Variants in EPHB2 observed in about 807,000 individuals in gnomAD.
EPHB2 encodes the protein ephrin type-B receptor 2.
EPHB2 carries 18 observed loss-of-function variants against 96.4 expected under a neutral mutation model. The ratio of observed to expected loss-of-function variants is 0.19; its 90% CI spans 0.13 to 0.28. The LOEUF (loss-of-function observed/expected upper bound fraction) is 0.28, where lower values mean the gene tolerates loss of function less well. Among genes scored for constraint, EPHB2 ranks in the 10% least tolerant of loss-of-function variants. The probability of loss-of-function intolerance (pLI) is 1.00; values close to 1 mark genes in which losing one functional copy is unlikely to be tolerated. For synonymous variants in EPHB2, 506 were observed against 534.1 expected, an observed-to-expected ratio of 0.95 and a Z score of 0.72; for missense variants, 989 against 1,355.4, an observed-to-expected ratio of 0.73 and a Z score of 4.25.
At chr1:22,806,477 G>A (rs1195061858) in intron 3 of EPHB2, among the ~76,000 whole-genome samples, 1 of 75,916 alleles carries the variant, frequency 1.3e-5, no homozygotes, top group Non-Finnish European at 3.1e-5. Context: ...ATGGATGGAT[G>A]GACGGACGGA....
At chr1:22,776,256 C>T (rs1644450976) in intron 1 of EPHB2, among the ~76,000 whole-genome samples, 1 of 152,206 alleles carries the variant, frequency 6.6e-6, no homozygotes, top group African/African-American at 2.4e-5. Context: ...GTGCCCCTCC[C>T]ACTCCACATC....
At chr1:22,803,762 A>T (rs1644884087) in intron 3 of EPHB2, among the ~76,000 whole-genome samples, 1 of 147,938 alleles carries the variant, frequency 6.8e-6, no homozygotes, top group Non-Finnish European at 1.5e-5. Context: ...TATATATATA[A>T]ATTAGCTGGG....
intron 3 of EPHB2, among the ~76,000 whole-genome samples, chr1:22,807,979 C>T (rs1644950553): frequency 6.6e-6 from 1 of 151,918 alleles, no homozygotes; most frequent in South Asian, 2.1e-4. Flanking sequence ...ACTAAAAATG[C>T]AAAAATTAGC....
intron 1 of EPHB2, among the ~76,000 whole-genome samples, chr1:22,769,467 T>G (rs1278689253): frequency 1.3e-5 from 2 of 152,194 alleles, no homozygotes; most frequent in Non-Finnish European, 2.9e-5. Flanking sequence ...AATGCAGTGG[T>G]GAGATCTCAG....
Position 22,864,119 on chromosome 1 carries a change from C to T in EPHB2, c.968-758C>T, listed in dbSNP as rs192546436. 4.0e-5 allele frequency among the ~76,000 whole-genome samples: 6 copies of T among 149,640 alleles called. No individual in the cohort carries two copies. In the East Asian group the frequency reaches 1.0e-3, roughly 26 times the overall value. ...ATGCAATGGCATCATGATCTCAGCT[C>T]ATGGCAACTTCCACCTCCCGGGTTC... On this transcript the variant is annotated intron_variant, in intron 4 of 15. Coordinates refer to ENST00000374630, the MANE Select transcript of EPHB2 (RefSeq NM_017449.5).
rs948491186 is a variant in EPHB2 at position 22,906,017 on chromosome 1, C to T, written c.1796C>T (p.Pro599Leu). 2 of 1,614,118 alleles carry T rather than the reference C, an allele frequency of 1.2e-6. No homozygotes were observed. The highest frequency in any genetic ancestry group is 2.7e-5 in the African/African-American group (2 of 74,944). The change falls in exon 10 of 16, where the codon CCT becomes CTT. Residue 599 changes from proline to leucine, a missense_variant. Physicochemically the swap from Pro to Leu is moderately conservative, Grantham distance 98. Coordinates refer to ENST00000374630, the MANE Select transcript of EPHB2 (RefSeq NM_017449.5). This position sits in a 1 kb window ranked among gnomAD's most constrained non-coding sequence, Gnocchi z 4.8. ...CCAGGCATGAAGATCTACATCGATC[C>T]TTTCACCTACGAGGACCCCAACGAG... ...MTPGMKIYID[P>L]FTYEDPNEAV... is the part of the protein sequence containing the mutation.
intron 2 of EPHB2, among the ~76,000 whole-genome samples, chr1:22,781,694 T>C (rs1216507977): frequency 6.6e-6 from 1 of 151,368 alleles, no homozygotes; most frequent in African/African-American, 2.4e-5. Flanking sequence ...GACAACAGGC[T>C]GGATGCTTTC....
chr1:22,818,847 C>T (rs1425140621), intron 3 of EPHB2, among the ~76,000 whole-genome samples: 3 of 152,194 alleles, frequency 2.0e-5, no homozygotes, highest in African/African-American at 4.8e-5. Context: ...TGAGCTCCCA[C>T]GCTTCATGCC....
rs192311855 is a variant in EPHB2, at chr1:22,899,822, A to G, written c.1765+3344A>G. Among the ~76,000 whole-genome samples, 55 of 151,702 alleles carry G rather than the reference A, an allele frequency of 3.6e-4. 1 individual carries two copies. The highest frequency in any genetic ancestry group is 5.2e-4 in the Admixed American group (8 of 15,254). On this transcript the variant is annotated intron_variant, in intron 9 of 15. Coordinates refer to ENST00000374630, the MANE Select transcript of EPHB2 (RefSeq NM_017449.5). Reference sequence around the variant, plus strand: ...AGCCTGGGCAACATAGCAAAACCCCATATCTACAAAAAATGTAAAAATTAG... The same window carrying G: ...AGCCTGGGCAACATAGCAAAACCCCGTATCTACAAAAAATGTAAAAATTAG...
chr1:22,864,661 C>A (rs1039006354), intron 4 of EPHB2, among the ~76,000 whole-genome samples: 3 of 152,214 alleles, frequency 2.0e-5, no homozygotes, highest in Non-Finnish European at 4.4e-5. Flanking sequence ...GTAACAAACA[C>A]TGAGCAGTTT....
At chr1:22,781,356 C>T in intron 1 of EPHB2, 65 bp from the exon 2 acceptor site, 1 of 1,490,478 alleles carries the variant, frequency 6.7e-7, no homozygotes, top group Non-Finnish European at 9.3e-7. Flanking sequence ...GGATGAGGGC[C>T]CAACAGAAAG....
At chr1:22,715,888 T>TC (rs1467679856) in intron 1 of EPHB2, among the ~76,000 whole-genome samples, 1 of 152,214 alleles carries the variant, frequency 6.6e-6, no homozygotes, top group Non-Finnish European at 1.5e-5. Flanking sequence ...CACTTCAGTT[T>TC]CCCCCTGGGT....
intron 1 of EPHB2, among the ~76,000 whole-genome samples, chr1:22,725,125 C>T (rs1643553134): frequency 6.6e-6 from 1 of 152,102 alleles, no homozygotes. Context: ...TAGGTTTCTC[C>T]CCCACCATAC....
chr1:22,756,344 C>T (rs1258215043), intron 1 of EPHB2, among the ~76,000 whole-genome samples: 2 of 151,930 alleles, frequency 1.3e-5, no homozygotes, highest in East Asian at 1.9e-4. Context: ...CTCCACTGGG[C>T]GGCTGGCCTG....
intron 1 of EPHB2, among the ~76,000 whole-genome samples, chr1:22,749,901 AATC>A (rs34123232): frequency 0.21 from 31,552 of 152,056 alleles, 4,207 homozygotes; most frequent in Middle Eastern, 0.34. Context: ...AAGTTACCCT[AATC>A]AAGACGTGTG....
rs767310740 is a variant in EPHB2 at position 22,865,079 on chromosome 1, G to A, written c.1170G>A (p.Glu390=). 2.5e-6 allele frequency: 4 copies of A among 1,614,116 alleles called. No individual in the cohort carries two copies. Residue 390 remains glutamate, a synonymous_variant, in exon 5 of 16, where the codon GAG becomes GAA. Coordinates refer to ENST00000374630, the MANE Select transcript of EPHB2 (RefSeq NM_017449.5). ...CACCACGCCAGCTAGGCCTGACCGA[G>A]CCACGCATTTACATCAGTGACCTGC... ...QYAPRQLGLT[E]PRIYISDLLA...
intron 1 of EPHB2, among the ~76,000 whole-genome samples, chr1:22,777,435 T>C (rs1347490908): frequency 2.0e-5 from 3 of 152,146 alleles, no homozygotes; most frequent in African/African-American, 7.2e-5. Flanking sequence ...TCTCCCTTTG[T>C]AGATTTTTGG....
rs983496277 is a variant in EPHB2, at chr1:22,846,215, C to T, written c.812-16822C>T. ...AGGCGGATCTCTTGGGTCAGGAGTT[C>T]GAGACCAGCCTGGCCAACATGGTGA... On this transcript the variant is annotated intron_variant, in intron 3 of 15. Coordinates refer to ENST00000374630, the MANE Select transcript of EPHB2 (RefSeq NM_017449.5). The surrounding 1 kb of genome is among the most constrained non-coding windows in gnomAD (Gnocchi z 4.3). 6.6e-6 allele frequency among the ~76,000 whole-genome samples: 1 copy of T among 152,012 alleles called. No individual in the cohort carries two copies. The highest frequency in any genetic ancestry group is 1.9e-4 in the East Asian group (1 of 5,184).
chr1:22,912,463 G>A lies in EPHB2; in HGVS notation c.2716G>A (p.Asp906Asn). Residue 906 changes from aspartate to asparagine, a missense_variant, in exon 15 of 16, where the codon GAC becomes AAC. Physicochemically the swap from Asp to Asn is conservative, Grantham distance 23 (BLOSUM62 1). Transcript: ENST00000374630. ...LSSGINLPLL[D>N]RTIPDYTSFN... ...CCCCAGCATCAACCTGCCGCTGCTG[G>A]ACCGCACGATCCCCGACTACACCAG... is the stretch of plus-strand genomic sequence containing the variant. 6.2e-7 allele frequency: 1 copy of A among 1,614,110 alleles called. No individual in the cohort carries two copies. The highest frequency in any genetic ancestry group is 8.5e-7 in the Non-Finnish European group (1 of 1,180,038).
Sources: allele counts gnomAD v4.1 joint callset (sites outside exome capture counted in the v4.1 genomes callset), GRCh38; gene constraint gnomAD v4.1.1; non-coding constraint Gnocchi (gnomAD v3.1); transcripts MANE v1.5; gene names NCBI Gene and HGNC (gene_info 2026-07-23, HGNC 2026-07-21).